ZNF497: variants seen among roughly 807,000 people sequenced by gnomAD.
ZNF497 encodes the protein zinc finger protein 497.
For synonymous variants in ZNF497, 422 were observed against 313.7 expected, an observed-to-expected ratio of 1.35 and a Z score of -3.65; for missense variants, 930 against 714.0, an observed-to-expected ratio of 1.30 and a Z score of -3.45.
chr19:58,357,316 CG>C lies in ZNF497; in HGVS notation c.319del (p.Arg107GlyfsTer81). ...GAACGCCTTGCCGCACTCCCCGCAC[CG>C]GCAGCCCGGCTCCTCTGGGAGAGGC... is the stretch of plus-strand genomic sequence containing the variant. The part of the protein sequence containing the change: ...PSPLPEEPGC[R>X]CGECGKAFSQ... On this transcript the variant is annotated frameshift_variant, in exon 3 of 3. Transcript: ENST00000311044. 1 of 1,605,708 alleles carries C rather than the reference CG, an allele frequency of 6.2e-7. No homozygotes were observed. The highest frequency in any genetic ancestry group is 1.7e-5 in the Admixed American group (1 of 58,758).
At chr19:58,358,958 T>G (rs1354191094) in intron 1 of ZNF497, 5 of 461,650 alleles carry the variant, frequency 1.1e-5, no homozygotes, top group Admixed American at 4.7e-5. Context: ...GGCAGTGGCC[T>G]CCTCAGGGCT....
Position 58,357,333 on chromosome 19 carries a change from T to C in ZNF497, c.303A>G (p.Pro101=). ...CCCCGCACCGGCAGCCCGGCTCCTCTGGGAGAGGCGAAGGGCGCAACGCCC... is the reference window on the plus strand; with the variant it reads ...CCCCGCACCGGCAGCCCGGCTCCTCCGGGAGAGGCGAAGGGCGCAACGCCC... The part of the protein sequence containing the change: ...ADRALRPSPL[P]EEPGCRCGEC... The change falls in exon 3 of 3, where the codon CCA becomes CCG. Residue 101 remains proline, a synonymous_variant. Transcript: ENST00000311044. The C allele has an allele frequency of 2.5e-6, 4 of 1,601,954 alleles. No homozygotes were observed. Among genetic ancestry groups the C allele is most frequent in the Non-Finnish European group, 3.4e-6 (4 of 1,174,904 alleles).
chr19:58,357,765 C>A, intron 2 of ZNF497, 116 bp from the exon 3 acceptor site: 1 of 1,223,266 alleles, frequency 8.2e-7, no homozygotes, highest in Non-Finnish European at 1.1e-6. Context: ...TCCTCCAGGT[C>A]CCTGGATGCC....
intron 1 of ZNF497, among the ~76,000 whole-genome samples, chr19:58,360,767 CTTTT>C (rs551580074): frequency 2.8e-3 from 96 of 34,386 alleles, no homozygotes; most frequent in African/African-American, 9.4e-3. Flanking sequence ...GTCCCGAACT[CTTTT>C]TTTTTTTTTT....
chr19:58,362,065 A>G (rs2052099930), intron 1 of ZNF497, among the ~76,000 whole-genome samples: 1 of 151,990 alleles, frequency 6.6e-6, no homozygotes, highest in African/African-American at 2.4e-5. Context: ...CTGAGCCTCA[A>G]CGCCTCCTCC....
intron 1 of ZNF497, among the ~76,000 whole-genome samples, chr19:58,361,623 C>T (rs2052094962): frequency 2.0e-5 from 3 of 152,204 alleles, no homozygotes; most frequent in Admixed American, 2.0e-4. Context: ...TCCCAAAGTG[C>T]TGGGATTACA....
At position 58,356,355 on chromosome 19, in the gene ZNF497, G is replaced by C. The variant is rs775871801; in HGVS notation, c.1281C>G (p.Ser427=). The change falls in exon 3 of 3, where the codon TCC becomes TCG. Residue 427 remains serine, a synonymous_variant. Coordinates refer to ENST00000311044, the MANE Select transcript of ZNF497 (RefSeq NM_198458.3). ...GCAGGCGCTGGTGCTGGCGCAGCTC[G>C]GAGCTGCCGCGGAAGGCCTTGCCGC... ...AECGKAFRGS[S]ELRQHQRLHS... The C allele has an allele frequency of 1.1e-5, 18 of 1,566,508 alleles. No homozygotes were observed. The highest frequency in any genetic ancestry group is 2.3e-5 in the East Asian group (1 of 42,648).
Position 58,357,035 on chromosome 19 carries a change from G to A in ZNF497, c.601C>T (p.Arg201Ter), listed in dbSNP as rs142379278. 3 of 1,609,952 alleles carry A rather than the reference G, an allele frequency of 1.9e-6. No individual in the cohort carries two copies. In the African/African-American group the frequency reaches 4.0e-5, roughly 22 times the overall value. Reference sequence around the variant, plus strand: ...CGGTGCTGCACCAGCGTGGTGCTTCGGCCGAAGGACTTGCCGCAGTCCGGG... The same window carrying A: ...CGGTGCTGCACCAGCGTGGTGCTTCAGCCGAAGGACTTGCCGCAGTCCGGG... ...RCPDCGKSFG[R>*]STTLVQHRRT... The change falls in exon 3 of 3, where the codon CGA (arginine) becomes TGA (stop). Residue 201 changes from arginine to a stop codon, truncating the protein, a stop_gained. Transcript: ENST00000311044. LOFTEE classifies it low-confidence loss of function (END_TRUNC).
intron 1 of ZNF497, among the ~76,000 whole-genome samples, chr19:58,360,940 C>T (rs1356634415): frequency 2.6e-5 from 4 of 151,854 alleles, no homozygotes; most frequent in Non-Finnish European, 1.5e-5. Context: ...TGCCACCATG[C>T]CCGGCTAATT....
rs2052107589 is a variant in ZNF497 at position 58,362,674 on chromosome 19, C to T, written c.-112+3G>A. On this transcript the variant is annotated splice_donor_region_variant and intron_variant, in intron 1 of 2. Transcript: ENST00000311044. ...GCCGAGGGTGTCCGTCGGCGTCACT[C>T]ACCGTCCTCGGCCCGCCTCTGCGTC... 1 of 152,176 alleles carries T rather than the reference C, an allele frequency of 6.6e-6. No individual in the cohort carries two copies. Among genetic ancestry groups the T allele is most frequent in the Admixed American group, 6.5e-5 (1 of 15,286 alleles). 9.4% of individuals were successfully genotyped at this position (152,176 alleles called of 1,614,324 possible).
chr19:58,360,353 T>TC (rs2052077387), intron 1 of ZNF497, among the ~76,000 whole-genome samples: 1 of 151,674 alleles, frequency 6.6e-6, no homozygotes. Context: ...ACTGTATGAC[T>TC]CCATTTCTTT....
chr19:58,361,078 G>C (rs969217386), intron 1 of ZNF497, among the ~76,000 whole-genome samples: 2 of 152,058 alleles, frequency 1.3e-5, no homozygotes, highest in African/African-American at 4.8e-5. Flanking sequence ...CACGGCACCC[G>C]GCCGGTGGGC....
chr19:58,359,344 C>G, intron 1 of ZNF497: 6 of 1,117,588 alleles, frequency 5.4e-6, no homozygotes, highest in Non-Finnish European at 7.2e-6. Context: ...AAAGGTGAGC[C>G]TGTGAGCACA....
rs1221968900 is a variant in ZNF497, at chr19:58,356,386, G to T, written c.1250C>A (p.Ala417Glu). Reference protein sequence around the residue: ...SHTGERPFACAECGKAFRGSS... With the variant: ...SHTGERPFACEECGKAFRGSS... Reference sequence around the variant, plus strand: ...GCCGCGGAAGGCCTTGCCGCATTCTGCGCAGGCGAAGGGTCGCTCTCCCGT... The same window carrying T: ...GCCGCGGAAGGCCTTGCCGCATTCTTCGCAGGCGAAGGGTCGCTCTCCCGT... The change falls in exon 3 of 3, where the codon GCA becomes GAA. Residue 417 changes from alanine to glutamate, a missense_variant. Coordinates refer to ENST00000311044, the MANE Select transcript of ZNF497 (RefSeq NM_198458.3). 5 of 1,567,288 alleles carry T rather than the reference G, an allele frequency of 3.2e-6. No individual in the cohort carries two copies. The highest frequency in any genetic ancestry group is 4.3e-6 in the Non-Finnish European group (5 of 1,160,882).
At position 58,356,410 on chromosome 19, in the gene ZNF497, G is replaced by A; in HGVS notation, c.1226C>T (p.Thr409Met). 2 of 1,565,136 alleles carry A rather than the reference G, an allele frequency of 1.3e-6. No homozygotes were observed. The highest frequency in any genetic ancestry group is 1.2e-5 in the South Asian group (1 of 86,308). ...SGLAHHRLSH[T>M]GERPFACAEC... ...TGCGCAGGCGAAGGGTCGCTCTCCC[G>A]TGTGCGAAAGCCGGTGGTGCGCCAG... The change falls in exon 3 of 3, where the codon ACG becomes ATG. Residue 409 changes from threonine to methionine, a missense_variant. Coordinates refer to ENST00000311044, the MANE Select transcript of ZNF497 (RefSeq NM_198458.3).
intron 2 of ZNF497, 142 bp from the exon 3 acceptor site, chr19:58,357,791 C>T (rs1057298920): frequency 1.5e-5 from 18 of 1,204,766 alleles, no homozygotes; most frequent in Non-Finnish European, 1.9e-5. Context: ...CCCTCTGGAG[C>T]CTGGAGCAGG....
rs774835552 is a variant in ZNF497, at chr19:58,356,205, C to T, written c.1431G>A (p.Lys477=). Residue 477 remains lysine (K), a synonymous_variant, in exon 3 of 3, where the codon AAG becomes AAA. Transcript: ENST00000311044. The part of the protein sequence containing the change: ...ERPYACGECG[K]PFSHRCNLNE... Reference sequence around the variant, plus strand: ...TGAGGTTGCAACGGTGGCTGAAAGGCTTCCCGCACTCGCCGCAAGCGTAGG... The same window carrying T: ...TGAGGTTGCAACGGTGGCTGAAAGGTTTCCCGCACTCGCCGCAAGCGTAGG... The T allele has an allele frequency of 2.5e-6, 4 of 1,600,828 alleles. No individual in the cohort carries two copies. The highest frequency in any genetic ancestry group is 3.4e-6 in the Non-Finnish European group (4 of 1,172,566).
rs532569825 is a variant in ZNF497, at chr19:58,356,568, C to T, written c.1068G>A (p.Lys356=). The change falls in exon 3 of 3, where the codon AAG becomes AAA. Residue 356 remains lysine (K), a synonymous_variant. Coordinates refer to ENST00000311044, the MANE Select transcript of ZNF497 (RefSeq NM_198458.3). ...TGCCGCACTGGGCGCACGCATGAGG[C>T]TTCTCGCCCGTGTGCACGCGCCGGT... The part of the protein sequence containing the change: ...AEHRRVHTGE[K]PHACAQCGKA... The T allele has an allele frequency of 3.2e-6, 5 of 1,548,882 alleles. No homozygotes were observed. The highest frequency in any genetic ancestry group is 2.4e-5 in the East Asian group (1 of 41,322).
At chr19:58,357,864 G>A in intron 2 of ZNF497, 1 of 1,322,454 alleles carries the variant, frequency 7.6e-7, no homozygotes, top group Non-Finnish European at 9.8e-7. Context: ...GCCTGACAGG[G>A]CCACGTGCAC....
Sources: gnomAD v4.1 joint callset for allele counts (sites outside exome capture counted in the v4.1 genomes callset) on GRCh38, gnomAD v4.1.1 for gene constraint, MANE v1.5 for transcripts, NCBI Gene and HGNC (gene_info 2026-07-23, HGNC 2026-07-21) for gene names.